FAM110B: variants seen among roughly 807,000 people sequenced by gnomAD.
The protein encoded by FAM110B is protein FAM110B.
FAM110B carries 6 observed loss-of-function variants against 20.4 expected under a neutral mutation model. The ratio of observed to expected loss-of-function variants is 0.29; its 90% confidence interval spans 0.16 to 0.58. FAM110B has a LOEUF of 0.58. Among genes scored for constraint, FAM110B ranks in the 20% least tolerant of loss-of-function variants. FAM110B has a pLI of 0.90. For synonymous variants in FAM110B, 226 were observed against 214.1 expected (o/e 1.06, Z -0.49); for missense variants, 434 against 498.2 (o/e 0.87, Z 1.23).
At chr8:58,011,921 G>C (rs1229234038) in intron 1 of FAM110B, among the ~76,000 whole-genome samples, 1 of 152,196 alleles carries the variant, frequency 6.6e-6, no homozygotes, top group Non-Finnish European at 1.5e-5. Context: ...TCACCTTCGT[G>C]ACTGAGTAGC....
chr8:58,007,721 C>T (rs559680489), intron 1 of FAM110B, among the ~76,000 whole-genome samples: 17 of 152,300 alleles, frequency 1.1e-4, no homozygotes, highest in East Asian at 3.9e-4. Flanking sequence ...CCTCATCAGA[C>T]GCTGGATCTG....
chr8:58,102,611 C>T (rs1039241329), intron 3 of FAM110B, among the ~76,000 whole-genome samples: 17 of 152,290 alleles, frequency 1.1e-4, no homozygotes, highest in African/African-American at 2.6e-4. Flanking sequence ...TTTCCACCTA[C>T]GCCATAACAG....
chr8:58,090,008 C>A lies in FAM110B; in HGVS notation c.-325+14385C>A, dbSNP rs374963724. ...TGCTCAGGTCCACTTATATTTTCTT[C>A]TGCCTCTGCCACCCCTCAGACAACA... On this transcript the variant is annotated intron_variant, in intron 3 of 3. Coordinates refer to ENST00000519262, the MANE Select transcript of FAM110B (RefSeq NM_001377989.1). Among the ~76,000 whole-genome samples, 21 of 152,338 alleles carry A rather than the reference C, an allele frequency of 1.4e-4. No homozygotes were observed. In the East Asian group the frequency reaches 3.7e-3, roughly 27 times the overall value.
chr8:58,102,701 C>A (rs571041139), intron 3 of FAM110B, among the ~76,000 whole-genome samples: 16 of 152,300 alleles, frequency 1.1e-4, no homozygotes, highest in South Asian at 4.1e-4. Context: ...ATTCTCCCTT[C>A]CTGGTGCCCC....
chr8:58,069,660 T>C (rs978886944), intron 2 of FAM110B, among the ~76,000 whole-genome samples: 4 of 152,226 alleles, frequency 2.6e-5, no homozygotes, highest in African/African-American at 2.4e-5. Context: ...TTTTCCACTA[T>C]AGATAGAAAT....
At position 58,055,012 on chromosome 8, in the gene FAM110B, C is replaced by G. The variant is rs115019025; in HGVS notation, c.-413-20523C>G. ...AAAGTGGTACCATTTTTTAAAAGAT[C>G]CATACAGATCATGATATAACATCTT... is the stretch of plus-strand genomic sequence containing the variant. On this transcript the variant is annotated intron_variant, in intron 2 of 3. Transcript: ENST00000519262. Among the ~76,000 whole-genome samples, 1,306 of 151,956 alleles carry G rather than the reference C, an allele frequency of 8.6e-3. 10 individuals are homozygous for G. The highest frequency in any genetic ancestry group is 0.03 in the African/African-American group (1,237 of 41,422).
At chr8:58,071,635 C>T (rs1805898380) in intron 2 of FAM110B, among the ~76,000 whole-genome samples, 1 of 152,156 alleles carries the variant, frequency 6.6e-6, no homozygotes, top group African/African-American at 2.4e-5. Context: ...CATTTCCTTT[C>T]AGGTCCATCC....
At chr8:58,028,705 A>G (rs551558355) in intron 1 of FAM110B, among the ~76,000 whole-genome samples, 89 of 152,168 alleles carry the variant, frequency 5.8e-4, no homozygotes, top group African/African-American at 2.0e-3. Context: ...TTCTTATTGG[A>G]TGTTTTGTTT....
In FAM110B at chr8:58,039,188, G is replaced by T. The variant is rs115404563; in HGVS notation, c.-414+7485G>T. 9.4e-3 allele frequency among the ~76,000 whole-genome samples: 1,431 copies of T among 152,294 alleles called. 20 individuals carry two copies. The highest frequency in any genetic ancestry group is 0.032 in the African/African-American group (1,336 of 41,576). On this transcript the variant is annotated intron_variant, in intron 2 of 3. Transcript: ENST00000519262. ...GCACTCACAGGGCCCCTCCTTGCTG[G>T]CCCTGCTGAGCCCAGAGTCATTGTC...
intron 3 of FAM110B, among the ~76,000 whole-genome samples, chr8:58,083,772 T>TG (rs1806263852): frequency 6.6e-6 from 1 of 152,202 alleles, no homozygotes; most frequent in African/African-American, 2.4e-5. Flanking sequence ...CTAGTTTGCC[T>TG]GGGGGTGAAA....
intron 3 of FAM110B, among the ~76,000 whole-genome samples, chr8:58,106,634 T>A (rs2150615655): frequency 6.6e-6 from 1 of 152,294 alleles, no homozygotes; most frequent in Admixed American, 6.5e-5. Flanking sequence ...AGGACAAAGA[T>A]ATCCCATAGG....
At chr8:58,042,608 C>G (rs1173918392) in intron 2 of FAM110B, among the ~76,000 whole-genome samples, 1 of 152,182 alleles carries the variant, frequency 6.6e-6, no homozygotes, top group East Asian at 1.9e-4. Context: ...ATAATGTGTG[C>G]ACCATCATGT....
chr8:58,051,101 C>T (rs1052614270), intron 2 of FAM110B, among the ~76,000 whole-genome samples: 3 of 152,170 alleles, frequency 2.0e-5, no homozygotes, highest in Non-Finnish European at 4.4e-5. Flanking sequence ...TTAATGATTT[C>T]CATTCATTGA....
intron 3 of FAM110B, among the ~76,000 whole-genome samples, chr8:58,125,336 A>AG (rs2150630008): frequency 6.6e-6 from 1 of 152,324 alleles, no homozygotes; most frequent in Non-Finnish European, 1.5e-5. Flanking sequence ...TGACAGAGAA[A>AG]GAAAAAAAAA....
intron 3 of FAM110B, among the ~76,000 whole-genome samples, chr8:58,134,452 A>G (rs1803562078): frequency 6.6e-6 from 1 of 152,236 alleles, no homozygotes; most frequent in East Asian, 1.9e-4. Context: ...CGTTTCAAAT[A>G]TATACACATT....
At chr8:58,006,924 T>TATATATATATATATATATATATATATATA (rs6150600) in intron 1 of FAM110B, among the ~76,000 whole-genome samples, 7 of 110,992 alleles carry the variant, frequency 6.3e-5, no homozygotes, top group African/African-American at 1.9e-4. Flanking sequence ...TATATATATA[T>TATATATATATATATATATATATATATATA]TTTTCCAAAA....
intron 1 of FAM110B, among the ~76,000 whole-genome samples, chr8:58,001,077 T>C (rs981627516): frequency 6.6e-6 from 1 of 152,192 alleles, no homozygotes; most frequent in Non-Finnish European, 1.5e-5. Flanking sequence ...CGTTTTATAA[T>C]GTTTTGGTAA....
At chr8:58,025,380 A>G (rs1804835074) in intron 1 of FAM110B, among the ~76,000 whole-genome samples, 1 of 152,166 alleles carries the variant, frequency 6.6e-6, no homozygotes, top group African/African-American at 2.4e-5. Flanking sequence ...TGGGAAGGCA[A>G]GAAGAAGCAT....
At chr8:58,008,159 C>T (rs1259232480) in intron 1 of FAM110B, among the ~76,000 whole-genome samples, 2 of 134,714 alleles carry the variant, frequency 1.5e-5, no homozygotes, top group African/African-American at 5.5e-5. Flanking sequence ...TAAAGTCTCA[C>T]TCTTGTCGCC....
Sources: allele counts gnomAD v4.1 joint callset (sites outside exome capture counted in the v4.1 genomes callset), GRCh38; gene constraint gnomAD v4.1.1; transcripts MANE v1.5; gene names NCBI Gene and HGNC (gene_info 2026-07-23, HGNC 2026-07-21).